Variants in LCP1 observed in about 807,000 individuals in gnomAD.
The protein encoded by LCP1 is lymphocyte cytosolic protein 1, also known as plastin-2.
In LCP1, 23 loss-of-function variants were observed where a neutral mutation model predicts 72.0. The ratio of observed to expected loss-of-function variants is 0.32; its 90% CI spans 0.23 to 0.45. LCP1 has a LOEUF of 0.45. Among genes scored for constraint, LCP1 ranks in the 20% least tolerant of loss-of-function variants. The probability of loss-of-function intolerance (pLI) is 1.00; values close to 1 mark genes in which losing one functional copy is unlikely to be tolerated. For synonymous variants in LCP1, 245 were observed against 275.4 expected (o/e 0.89, Z 1.09); for missense variants, 571 against 748.3 (o/e 0.76, Z 2.76).
chr13:46,163,001 G>A (rs1015895036), intron 1 of LCP1, among the ~76,000 whole-genome samples: 11 of 147,330 alleles, frequency 7.5e-5, no homozygotes, highest in African/African-American at 2.2e-4. Context: ...CCGCCCCGTC[G>A]GGGAGGGAGG....
chr13:46,156,029 G>A (rs2045799280), intron 5 of LCP1, among the ~76,000 whole-genome samples: 2 of 152,064 alleles, frequency 1.3e-5, no homozygotes, highest in Non-Finnish European at 2.9e-5. Flanking sequence ...CTACATTTCC[G>A]CTTGATGCCT....
chr13:46,126,989 A>G lies in LCP1; in HGVS notation c.*602T>C, dbSNP rs2045602575. ...GCTACCAGAGACTCCTGAGACTTCA[A>G]CAGCTTGACTGATTTATCACACACT... On this transcript the variant is annotated 3_prime_UTR_variant, in exon 16 of 16. Transcript: ENST00000323076. 1 of 231,168 alleles carries G rather than the reference A, an allele frequency of 4.3e-6. No homozygotes were observed. The allele number at this position is 231,168 out of a possible 1,614,324, so 14.3% of individuals were successfully genotyped here.
intron 7 of LCP1, 33 bp from the exon 8 acceptor site, chr13:46,151,111 T>C (rs2045760796): frequency 3.8e-6 from 6 of 1,585,898 alleles, no homozygotes; most frequent in Non-Finnish European, 4.3e-6. Flanking sequence ...GAAAAATAAA[T>C]GCAGCGATGT....
chr13:46,168,181 T>A (rs554900439), intron 1 of LCP1, among the ~76,000 whole-genome samples: 1 of 152,354 alleles, frequency 6.6e-6, no homozygotes, highest in East Asian at 1.9e-4. Context: ...TTAGGCTCCA[T>A]CTTGCCTCTA....
chr13:46,165,438 G>A (rs894368207), intron 1 of LCP1, among the ~76,000 whole-genome samples: 3 of 151,968 alleles, frequency 2.0e-5, no homozygotes, highest in South Asian at 4.1e-4. Context: ...TATGGGTTAT[G>A]ATAATATTAT....
At chr13:46,151,265 C>T (rs1175719990) in intron 7 of LCP1, among the ~76,000 whole-genome samples, 187 bp from the exon 8 acceptor site, 1 of 152,208 alleles carries the variant, frequency 6.6e-6, no homozygotes, top group Non-Finnish European at 1.5e-5. Context: ...GAGGCGTAAG[C>T]CATTGTGAGC....
intron 14 of LCP1, 105 bp downstream of exon 14, chr13:46,134,022 G>T: frequency 9.8e-7 from 1 of 1,025,612 alleles, no homozygotes; most frequent in Non-Finnish European, 1.4e-6. Context: ...AATGGGAGGG[G>T]GAGCCTCTAA....
At chr13:46,163,611 G>A (rs1432465662) in intron 1 of LCP1, among the ~76,000 whole-genome samples, 8 of 127,252 alleles carry the variant, frequency 6.3e-5, no homozygotes. Context: ...CCCTCTGCGA[G>A]AAACACCCAA....
chr13:46,142,523 T>C (rs969461435), intron 12 of LCP1, 98 bp from the exon 13 acceptor site: 73 of 1,332,162 alleles, frequency 5.5e-5, no homozygotes, highest in Non-Finnish European at 6.9e-5. Context: ...GAAATAAATA[T>C]GGTAAGACCG....
intron 1 of LCP1, among the ~76,000 whole-genome samples, chr13:46,170,131 C>T (rs954844651): frequency 1.3e-5 from 2 of 152,156 alleles, no homozygotes; most frequent in African/African-American, 4.8e-5. Flanking sequence ...AGTCCCCTAT[C>T]ACCTTCTTTG....
At chr13:46,127,879 C>A (rs1249181403) in intron 15 of LCP1, among the ~76,000 whole-genome samples, 156 bp from the exon 16 acceptor site, 1 of 152,150 alleles carries the variant, frequency 6.6e-6, no homozygotes, top group Non-Finnish European at 1.5e-5. Flanking sequence ...CTTTTGTGGA[C>A]AAATTTTGGC....
intron 1 of LCP1, among the ~76,000 whole-genome samples, chr13:46,181,592 C>T (rs1026715291): frequency 2.0e-5 from 3 of 152,132 alleles, no homozygotes; most frequent in Non-Finnish European, 2.9e-5. Context: ...ACTCAAATAA[C>T]CAGTATCACA....
chr13:46,157,056 G>A (rs978154794), intron 4 of LCP1, among the ~76,000 whole-genome samples: 1 of 151,676 alleles, frequency 6.6e-6, no homozygotes, highest in South Asian at 2.1e-4. Context: ...TCCTGACCTC[G>A]TGATCTGCCC....
chr13:46,176,350 A>C (rs1232658499), intron 1 of LCP1, among the ~76,000 whole-genome samples: 1 of 147,120 alleles, frequency 6.8e-6, no homozygotes, highest in East Asian at 2.0e-4. Context: ...AAAATAAATA[A>C]AAACTGAAAA....
intron 1 of LCP1, among the ~76,000 whole-genome samples, chr13:46,180,665 T>C (rs903208263): frequency 9.9e-5 from 15 of 152,208 alleles, no homozygotes; most frequent in African/African-American, 3.1e-4. Context: ...TTGTAACATA[T>C]GGGGTTGATG....
chr13:46,165,240 G>A (rs2045869620), intron 1 of LCP1, among the ~76,000 whole-genome samples: 1 of 152,000 alleles, frequency 6.6e-6, no homozygotes, highest in Non-Finnish European at 1.5e-5. Context: ...TAGGTGTGGT[G>A]GTGCATGCCT....
intron 6 of LCP1, among the ~76,000 whole-genome samples, chr13:46,153,742 G>A (rs1593954255): frequency 6.6e-6 from 1 of 151,316 alleles, no homozygotes; most frequent in Non-Finnish European, 1.5e-5. Context: ...AAATAGATAC[G>A]ATTAAAATTC....
Position 46,130,759 on chromosome 13 carries a change from C to T in LCP1, c.1751+55G>A, listed in dbSNP as rs367972285. On this transcript the variant is annotated intron_variant, in intron 15 of 15. Transcript: ENST00000323076. ...ATGAGCATTAGACTTTACAACCATC[C>T]AGCTGCCAGTTGGGTCCTTCCCTCC... The T allele has an allele frequency of 4.4e-6, 7 of 1,603,290 alleles. No individual in the cohort carries two copies. The African/African-American group carries it at 6.7e-5, about 15-fold the overall frequency.
intron 6 of LCP1, among the ~76,000 whole-genome samples, 175 bp downstream of exon 6, chr13:46,154,630 C>T (rs1219304089): frequency 6.6e-6 from 1 of 152,188 alleles, no homozygotes; most frequent in Non-Finnish European, 1.5e-5. Flanking sequence ...CCACCAGTCT[C>T]CCTTCTTTGC....
Sources: gnomAD v4.1 joint callset for allele counts (sites outside exome capture counted in the v4.1 genomes callset) on GRCh38, gnomAD v4.1.1 for gene constraint, MANE v1.5 for transcripts, NCBI Gene and HGNC (gene_info 2026-07-23, HGNC 2026-07-21) for gene names.